IL13RA1: variants seen among roughly 807,000 people sequenced by gnomAD.
IL13RA1 encodes the protein interleukin 13 receptor subunit alpha 1, also known as interleukin-13 receptor subunit alpha-1.
A neutral mutation model predicts 33.8 loss-of-function variants in IL13RA1; 14 were observed. The ratio of observed to expected loss-of-function variants is 0.41; its 90% confidence interval spans 0.27 to 0.65. The LOEUF is 0.65. Ranked by LOEUF, IL13RA1 falls within the 30% of genes least tolerant of loss-of-function variation. The pLI is 0.28. For missense variants in IL13RA1, 313 were observed against 327.0 expected, an observed-to-expected ratio of 0.96 and a Z score of 0.33; for synonymous variants, 116 against 115.7, an observed-to-expected ratio of 1.00 and a Z score of -0.02.
chrX:118,735,870 T>C (rs2017276443), intron 1 of IL13RA1, among the ~76,000 whole-genome samples: 1 of 111,319 alleles, frequency 9.0e-6, no homozygotes, highest in Admixed American at 9.6e-5. Flanking sequence ...TTCTTCCTCT[T>C]TCTCTCTCTT....
At chrX:118,803,242 G>A in the IL13RA1 span, among the ~76,000 whole-genome samples, 45 of 112,122 alleles carry the variant, frequency 4.0e-4, 1 homozygote, top group South Asian at 0.011. Flanking sequence ...CCACTTTTAT[G>A]GTGGATTAAA....
chrX:118,791,263 CTT>C (rs1210182566), intron 10 of IL13RA1, among the ~76,000 whole-genome samples: 4 of 111,676 alleles, frequency 3.6e-5, no homozygotes, highest in Non-Finnish European at 5.6e-5. Flanking sequence ...AGATGAAGCT[CTT>C]AATATAGGGT....
At chrX:118,785,302 C>A (rs758717582) in intron 10 of IL13RA1, among the ~76,000 whole-genome samples, 1 of 109,988 alleles carries the variant, frequency 9.1e-6, no homozygotes, top group Non-Finnish European at 1.9e-5. Flanking sequence ...GCTGTGTTGC[C>A]CAGTCTGGTC....
chrX:118,799,033 C>T (rs56022540), downstream of IL13RA1, among the ~76,000 whole-genome samples: 8 of 9,311 alleles, frequency 8.6e-4, no homozygotes, highest in African/African-American at 8.7e-3. Context: ...ATGGGCTTGG[C>T]GGGGCCCGCA....
chrX:118,783,972 A>T (rs1307601154), intron 10 of IL13RA1, among the ~76,000 whole-genome samples: 1 of 100,566 alleles, frequency 9.9e-6, no homozygotes, highest in Non-Finnish European at 2.0e-5. Context: ...GCTACTTGGG[A>T]GGCTGAGGCA....
intron 9 of IL13RA1, among the ~76,000 whole-genome samples, chrX:118,774,550 C>A (rs2017762081): frequency 8.9e-6 from 1 of 112,327 alleles, no homozygotes; most frequent in Non-Finnish European, 1.9e-5. Context: ...TTGAATAGGT[C>A]CTATGTTCAC....
At chrX:118,776,541 G>GTTTTTTTTTTTTTTT (rs5903529) in intron 10 of IL13RA1, 30 bp downstream of exon 10, 2 of 219,766 alleles carry the variant, frequency 9.1e-6, no homozygotes, top group East Asian at 7.9e-5. Context: ...GGCTTGAAAT[G>GTTTTTTTTTTTTTTT]TTTTTTTTTT....
chrX:118,728,467 C>T (rs903186751), intron 1 of IL13RA1, among the ~76,000 whole-genome samples: 5 of 111,612 alleles, frequency 4.5e-5, no homozygotes, highest in Non-Finnish European at 9.4e-5. Context: ...GTGTATATCC[C>T]TCACCCTGTT....
At chrX:118,803,942 T>TTTTCTTTC in the IL13RA1 span, among the ~76,000 whole-genome samples, 5 of 100,322 alleles carry the variant, frequency 5.0e-5, no homozygotes, top group Admixed American at 1.2e-4. Context: ...TTTTTTTCTT[T>TTTTCTTTC]TTTCTTTCTT....
At chrX:118,766,600 A>C in intron 7 of IL13RA1, 23 bp downstream of exon 7, 1 of 931,376 alleles carries the variant, frequency 1.1e-6, no homozygotes, top group Non-Finnish European at 1.6e-6. Context: ...AACATTAGCT[A>C]TTTGGGTTTA....
intron 5 of IL13RA1, among the ~76,000 whole-genome samples, chrX:118,759,833 C>T (rs1004863203): frequency 7.2e-5 from 8 of 111,270 alleles, no homozygotes; most frequent in Non-Finnish European, 1.9e-5. Flanking sequence ...AATGCAGTGG[C>T]GTGATCACAG....
chrX:118,766,933 G>C lies in IL13RA1; in HGVS notation c.966G>C (p.Glu322Asp). The C allele has an allele frequency of 8.9e-7, 1 of 1,128,912 alleles. No individual in the cohort carries two copies. The highest frequency in any genetic ancestry group is 1.2e-6 in the Non-Finnish European group (1 of 823,995). The allele number at this position is 1,128,912 out of a possible 1,213,427, so 93.0% of individuals were successfully genotyped here. ...IRVKTNKLCY[E>D]DDKLWSNWSQ... ...TCAAAACAAATAAGTTATGCTATGA[G>C]GATGACAAACTCTGGAGTAATTGGA... is the stretch of plus-strand genomic sequence containing the variant. The change falls in exon 8 of 11, where the codon GAG becomes GAC. Residue 322 changes from glutamate to aspartate, a missense_variant. Physicochemically the swap from Glu to Asp is conservative, Grantham distance 45. Transcript: ENST00000371666.
chrX:118,767,076 G>C, intron 8 of IL13RA1, 100 bp downstream of exon 8: 2 of 430,785 alleles, frequency 4.6e-6, no homozygotes. Context: ...ATGCTCTCTT[G>C]ATGTCAGGAA....
intron 6 of IL13RA1, among the ~76,000 whole-genome samples, chrX:118,764,529 A>C (rs994031163): frequency 3.1e-4 from 34 of 109,484 alleles, no homozygotes; most frequent in Non-Finnish European, 5.7e-5. Context: ...ATGTCCCTTC[A>C]TCATTTGCTT....
chrX:118,728,469 C>T (rs2017180943), intron 1 of IL13RA1, among the ~76,000 whole-genome samples: 1 of 111,713 alleles, frequency 9.0e-6, no homozygotes, highest in South Asian at 3.7e-4. Context: ...GTATATCCCT[C>T]ACCCTGTTTG....
chrX:118,755,163 G>A (rs1276501523), intron 4 of IL13RA1, among the ~76,000 whole-genome samples: 2 of 109,473 alleles, frequency 1.8e-5, no homozygotes, highest in African/African-American at 3.3e-5. Flanking sequence ...TGGCCAGGCC[G>A]GTCTGGAACT....
downstream of IL13RA1, among the ~76,000 whole-genome samples, chrX:118,797,924 T>C (rs896163498): frequency 1.8e-5 from 2 of 111,973 alleles, no homozygotes; most frequent in Admixed American, 9.5e-5. Flanking sequence ...AATCTGGGCC[T>C]TGTGAGACCC....
intron 10 of IL13RA1, 24 bp from the exon 11 acceptor site, chrX:118,791,738 A>G (rs2017976671): frequency 3.1e-6 from 2 of 643,571 alleles, no homozygotes; most frequent in East Asian, 7.1e-5. Flanking sequence ...GTCATTGTGT[A>G]TGTGTTTTTT....
At position 118,794,217 on chromosome X, in the gene IL13RA1, G is replaced by T. The variant is rs1171803106; in HGVS notation, c.*2363G>T. 1 of 111,899 alleles carries T rather than the reference G, an allele frequency of 8.9e-6. No individual in the cohort carries two copies. Among genetic ancestry groups the T allele is most frequent in the African/African-American group, 3.3e-5 (1 of 30,735 alleles). The allele number at this position is 111,899 out of a possible 1,213,427, so 9.2% of individuals were successfully genotyped here. On this transcript the variant is annotated 3_prime_UTR_variant, in exon 11 of 11. Transcript: ENST00000371666. ...GGAAGTTATGGGAATACCTGTGGTG[G>T]TTGTGATCCCTAGGTCTTGGGAGCT...
Sources: allele counts gnomAD v4.1 joint callset (sites outside exome capture counted in the v4.1 genomes callset), GRCh38; gene constraint gnomAD v4.1.1; transcripts MANE v1.5; gene names NCBI Gene and HGNC (gene_info 2026-07-23, HGNC 2026-07-21).